NFATC1: variants seen among roughly 807,000 people sequenced by gnomAD.
NFATC1 encodes the protein nuclear factor of activated T cells 1, also known as nuclear factor of activated T-cells, cytoplasmic 1.
A neutral mutation model predicts 76.0 loss-of-function variants in NFATC1; 22 were observed. That is an observed-to-expected ratio of 0.29 (90% CI 0.21 to 0.41). The LOEUF (loss-of-function observed/expected upper bound fraction) is 0.41. Ranked by LOEUF, NFATC1 falls within the 10% of genes least tolerant of loss-of-function variation. NFATC1 has a pLI of 1.00. For synonymous variants in NFATC1, 704 were observed against 613.1 expected (o/e 1.15, Z -2.19); for missense variants, 1,357 against 1,337.7 (o/e 1.01, Z -0.23).
intron 9 of NFATC1, among the ~76,000 whole-genome samples, chr18:79,507,859 G>A (rs542292225): frequency 7.5e-4 from 115 of 152,378 alleles, no homozygotes; most frequent in Admixed American, 1.7e-3. Flanking sequence ...GGCTGTGGAG[G>A]GAAACACGTC....
At chr18:79,518,389 A>G (rs894351729) in intron 9 of NFATC1, among the ~76,000 whole-genome samples, 6 of 152,176 alleles carry the variant, frequency 3.9e-5, no homozygotes, top group Non-Finnish European at 5.9e-5. Context: ...GTGGAAGCTG[A>G]GTGTGGCAGT....
rs969064504 is a variant in NFATC1, at chr18:79,512,836, G to A, written c.2783-14692G>A. Among the ~76,000 whole-genome samples the A allele has an allele frequency of 4.6e-5, 7 of 152,362 alleles. No individual in the cohort carries two copies. The East Asian group carries it at 9.6e-4, about 21-fold the overall frequency. ...TGAGGGCGCCTTCTCCACGTGCTGC[G>A]GGGAGGCGCGCTGACGGCCACCAAG... On this transcript the variant is annotated intron_variant, in intron 9 of 9. Transcript: ENST00000427363.
At chr18:79,402,142 A>T (rs2085286729) in intron 1 of NFATC1, among the ~76,000 whole-genome samples, 1 of 152,238 alleles carries the variant, frequency 6.6e-6, no homozygotes, top group African/African-American at 2.4e-5. Context: ...GCGCGACAGC[A>T]GCCTCGGGAA....
chr18:79,504,732 C>T (rs1180170164), intron 9 of NFATC1, among the ~76,000 whole-genome samples: 1 of 152,294 alleles, frequency 6.6e-6, no homozygotes, highest in Admixed American at 6.5e-5. Flanking sequence ...GCCTGCAAGA[C>T]ATCCACAAAA....
chr18:79,510,585 G>A (rs555607503), intron 9 of NFATC1, among the ~76,000 whole-genome samples: 4 of 152,296 alleles, frequency 2.6e-5, no homozygotes, highest in South Asian at 2.1e-4. Context: ...TTATTTCAGC[G>A]GTCTTTTCTG....
At chr18:79,433,871 C>T (rs566718535) in intron 3 of NFATC1, 133 bp downstream of exon 3, 57 of 1,082,642 alleles carry the variant, frequency 5.3e-5, no homozygotes, top group East Asian at 5.0e-4. Flanking sequence ...TAGTCCCGGG[C>T]GGCTGCTCAC....
chr18:79,401,833 CTG>C (rs1254418610), intron 1 of NFATC1, among the ~76,000 whole-genome samples: 1 of 152,214 alleles, frequency 6.6e-6, no homozygotes, highest in Non-Finnish European at 1.5e-5. Context: ...GAATCACTGA[CTG>C]TGGGCCTGCG....
chr18:79,490,663 T>G (rs2089651378), intron 9 of NFATC1, among the ~76,000 whole-genome samples: 1 of 152,132 alleles, frequency 6.6e-6, no homozygotes, highest in African/African-American at 2.4e-5. Context: ...TCACTGAGAA[T>G]GACACGGGCC....
At chr18:79,441,392 G>A (rs1417991907) in intron 3 of NFATC1, among the ~76,000 whole-genome samples, 3 of 152,164 alleles carry the variant, frequency 2.0e-5, no homozygotes, top group Non-Finnish European at 4.4e-5. Context: ...TCTCTCCCCC[G>A]TGATTTCGGT....
chr18:79,469,872 G>A, intron 8 of NFATC1: 2 of 985,482 alleles, frequency 2.0e-6, no homozygotes, highest in South Asian at 4.7e-5. Flanking sequence ...CCTGGGGGCT[G>A]CGACCGCAAC....
At chr18:79,499,256 G>C (rs891333686) in intron 9 of NFATC1, among the ~76,000 whole-genome samples, 1 of 152,202 alleles carries the variant, frequency 6.6e-6, no homozygotes, top group Non-Finnish European at 1.5e-5. Context: ...CATATTATTA[G>C]AACTCAGTAT....
At chr18:79,404,194 C>T (rs540171455) in intron 1 of NFATC1, among the ~76,000 whole-genome samples, 54 of 152,318 alleles carry the variant, frequency 3.5e-4, no homozygotes, top group Non-Finnish European at 6.9e-4. Context: ...CTCTGAGGAA[C>T]GATGTCCCAG....
chr18:79,466,204 A>G (rs774052886), intron 7 of NFATC1, among the ~76,000 whole-genome samples: 1 of 152,082 alleles, frequency 6.6e-6, no homozygotes, highest in Non-Finnish European at 1.5e-5. Flanking sequence ...TGTCTTTAAC[A>G]CTCTTAAGAT....
chr18:79,527,434 C>A lies in NFATC1; in HGVS notation c.2783-94C>A, dbSNP rs2090798153. ...TCCTGGGGAGATGCCTTGTCACAGG[C>A]GTGAGCGTCACTGATGGAGAAGCAG... On this transcript the variant is annotated intron_variant, in intron 9 of 9. Coordinates refer to ENST00000427363, the MANE Select transcript of NFATC1 (RefSeq NM_001278669.2). 4.0e-6 allele frequency: 4 copies of A among 993,754 alleles called. No individual in the cohort carries two copies. In the African/African-American group the frequency reaches 6.4e-5, roughly 16 times the overall value. The allele number at this position is 993,754 out of a possible 1,614,324, so 61.6% of individuals were successfully genotyped here.
At chr18:79,397,108 C>T (rs1234771852) in intron 1 of NFATC1, among the ~76,000 whole-genome samples, 2 of 152,286 alleles carry the variant, frequency 1.3e-5, no homozygotes, top group East Asian at 1.9e-4. Context: ...CCCTGCGGCG[C>T]ATCTCACATT....
rs549144769 is a variant in NFATC1, at chr18:79,461,339, G to A, written c.1932G>A (p.Ala644=). 4.9e-5 allele frequency: 73 copies of A among 1,495,644 alleles called. 1 individual carries two copies. In the African/African-American group the frequency reaches 1.3e-3, roughly 26 times the overall value. 92.6% of individuals were successfully genotyped at this position (1,495,644 alleles called of 1,614,324 possible). The part of the protein sequence containing the change: ...PDGHHVWEME[A]KTDRDLCKPN... ...GCCACCATGTCTGGGAGATGGAAGC[G>A]AAAACTGACCGGGACCTGTGCAAGC... is the stretch of plus-strand genomic sequence containing the variant. Residue 644 remains alanine (A), a synonymous_variant, in exon 7 of 10, where the codon GCG becomes GCA. Transcript: ENST00000427363.
Position 79,451,102 on chromosome 18 carries a change from G to T in NFATC1, c.1738G>T (p.Val580Leu), listed in dbSNP as rs1291703845. ...QPSGRTLSLQ[V>L]ASNPIECSQR... ...CAGCGGCCGCACGCTGTCCCTGCAG[G>T]TGGCCTCCAACCCCATCGAATGCTG... The change falls in exon 5 of 10, where the codon GTG becomes TTG. Residue 580 changes from valine (V) to leucine (L), a missense_variant. Physicochemically the swap from Val to Leu is conservative, Grantham distance 32. Coordinates refer to ENST00000427363, the MANE Select transcript of NFATC1 (RefSeq NM_001278669.2). 1 of 1,612,668 alleles carries T rather than the reference G, an allele frequency of 6.2e-7. No individual in the cohort carries two copies. The highest frequency in any genetic ancestry group is 8.5e-7 in the Non-Finnish European group (1 of 1,179,596).
chr18:79,401,272 G>A (rs2085242951), intron 1 of NFATC1, among the ~76,000 whole-genome samples: 1 of 152,004 alleles, frequency 6.6e-6, no homozygotes, highest in Admixed American at 6.5e-5. Flanking sequence ...CCGCGCGGAG[G>A]TGAAGCCGGA....
chr18:79,417,136 CGGGAGATGGGCT>C (rs2085905130), intron 2 of NFATC1, among the ~76,000 whole-genome samples: 1 of 51,740 alleles, frequency 1.9e-5, no homozygotes, highest in Non-Finnish European at 3.9e-5. Flanking sequence ...TGGGCTGTGG[CGGGAGATGGGCT>C]GTGGCGGGAG....
Sources: gnomAD v4.1 joint callset for allele counts (sites outside exome capture counted in the v4.1 genomes callset) on GRCh38, gnomAD v4.1.1 for gene constraint, MANE v1.5 for transcripts, NCBI Gene and HGNC (gene_info 2026-07-23, HGNC 2026-07-21) for gene names.